Variants in LGSN observed in about 807,000 individuals in gnomAD.
The protein encoded by LGSN is lengsin, lens protein with glutamine synthetase domain.
In LGSN, 21 loss-of-function variants were observed where a neutral mutation model predicts 19.5. The ratio of observed to expected loss-of-function variants is 1.07; its 90% CI spans 0.76 to 1.55. LGSN has a LOEUF of 1.55. Ranked by LOEUF, LGSN falls within the 40% of genes most tolerant of loss-of-function variation. LGSN has a pLI of 0.00. For missense variants in LGSN, 673 were observed against 608.5 expected, an observed-to-expected ratio of 1.11 and a Z score of -1.12; for synonymous variants, 257 against 215.6, an observed-to-expected ratio of 1.19 and a Z score of -1.68.
chr6:63,403,088 A>G, the LGSN span, among the ~76,000 whole-genome samples: 1 of 148,900 alleles, frequency 6.7e-6, no homozygotes, highest in Non-Finnish European at 1.5e-5. Flanking sequence ...GATGATAGAG[A>G]GAGAGAGAGA....
the LGSN span, among the ~76,000 whole-genome samples, chr6:63,547,497 A>G: frequency 1.1e-3 from 90 of 82,292 alleles, no homozygotes; most frequent in South Asian, 1.5e-3. Context: ...GCCAGGGGGG[A>G]ATTTTTTTTT....
chr6:63,423,812 C>T, the LGSN span, among the ~76,000 whole-genome samples: 12 of 152,176 alleles, frequency 7.9e-5, no homozygotes, highest in East Asian at 2.3e-3. Flanking sequence ...CCGAGTCAGG[C>T]AGATCATTTG....
chr6:63,336,702 T>C, the LGSN span, among the ~76,000 whole-genome samples: 1 of 151,570 alleles, frequency 6.6e-6, no homozygotes, highest in African/African-American at 2.4e-5. Context: ...CTCGGCTCAC[T>C]GCAACCTCTG....
chr6:63,288,922 A>G (rs1767658521), intron 2 of LGSN, among the ~76,000 whole-genome samples: 1 of 152,242 alleles, frequency 6.6e-6, no homozygotes, highest in Admixed American at 6.5e-5. Context: ...ACTATCAGGT[A>G]CTGAAGGTTA....
the LGSN span, chr6:63,441,764 A>G: frequency 2.7e-6 from 1 of 375,560 alleles, no homozygotes; most frequent in Non-Finnish European, 5.1e-6. Flanking sequence ...CTGCCCCTGC[A>G]AGCCACTCCC....
chr6:63,546,844 C>G, the LGSN span, among the ~76,000 whole-genome samples: 1 of 151,958 alleles, frequency 6.6e-6, no homozygotes, highest in Admixed American at 6.6e-5. Context: ...TAAATTTTCT[C>G]ATCTCAAAAA....
chr6:63,501,578 T>G, the LGSN span, among the ~76,000 whole-genome samples: 1 of 152,140 alleles, frequency 6.6e-6, no homozygotes, highest in Non-Finnish European at 1.5e-5. Context: ...AACCAGCTGC[T>G]GTCTAATGTG....
the LGSN span, among the ~76,000 whole-genome samples, chr6:63,506,302 C>T: frequency 6.6e-6 from 1 of 151,938 alleles, no homozygotes; most frequent in Non-Finnish European, 1.5e-5. Flanking sequence ...CTCGCACTGT[C>T]ACCCAGGCTG....
the LGSN span, among the ~76,000 whole-genome samples, chr6:63,449,287 C>T: frequency 6.6e-6 from 1 of 152,056 alleles, no homozygotes; most frequent in African/African-American, 2.4e-5. Flanking sequence ...AGGCTGGGCG[C>T]GGTGGCTCCT....
At chr6:63,287,658 A>G (rs1767595403) in intron 2 of LGSN, among the ~76,000 whole-genome samples, 1 of 152,148 alleles carries the variant, frequency 6.6e-6, no homozygotes. Context: ...CAGTGAGCAA[A>G]GATCGCGCCA....
chr6:63,400,706 A>G, the LGSN span, among the ~76,000 whole-genome samples: 1 of 152,216 alleles, frequency 6.6e-6, no homozygotes, highest in Admixed American at 6.5e-5. Flanking sequence ...ATAAAACATA[A>G]ATTTCGGCCG....
At chr6:63,476,935 T>C in the LGSN span, among the ~76,000 whole-genome samples, 1 of 152,248 alleles carries the variant, frequency 6.6e-6, no homozygotes, top group Admixed American at 6.5e-5. Context: ...TATGTTACTC[T>C]TCCCATCTAA....
At chr6:63,419,055 G>C in the LGSN span, among the ~76,000 whole-genome samples, 1 of 152,072 alleles carries the variant, frequency 6.6e-6, no homozygotes, top group African/African-American at 2.4e-5. Flanking sequence ...GGCCACCCTT[G>C]CCATGGTGTC....
the LGSN span, among the ~76,000 whole-genome samples, chr6:63,437,741 C>T: frequency 0.016 from 2,451 of 151,998 alleles, 25 homozygotes; most frequent in Non-Finnish European, 0.025. Context: ...ACCAGCCTAG[C>T]CAACATAGTG....
At chr6:63,306,446 T>C (rs1200722122) in intron 1 of LGSN, among the ~76,000 whole-genome samples, 1 of 152,212 alleles carries the variant, frequency 6.6e-6, no homozygotes, top group Non-Finnish European at 1.5e-5. Context: ...CTCTTTTCTG[T>C]ATAAAAGCAA....
chr6:63,291,512 C>A (rs1767768956), intron 2 of LGSN, among the ~76,000 whole-genome samples: 1 of 152,200 alleles, frequency 6.6e-6, no homozygotes, highest in African/African-American at 2.4e-5. Flanking sequence ...CAGCTGAACT[C>A]CTCCCCACCT....
the LGSN span, among the ~76,000 whole-genome samples, chr6:63,503,495 T>C: frequency 6.6e-6 from 1 of 152,230 alleles, no homozygotes; most frequent in Non-Finnish European, 1.5e-5. Context: ...ATCCTCTCTT[T>C]AATCCTCTAC....
chr6:63,350,279 T>C, the LGSN span, among the ~76,000 whole-genome samples: 1 of 152,238 alleles, frequency 6.6e-6, no homozygotes, highest in Admixed American at 6.5e-5. Flanking sequence ...GGTTATAATA[T>C]GAAAGCAATT....
chr6:63,397,503 G>A, the LGSN span, among the ~76,000 whole-genome samples: 1 of 151,608 alleles, frequency 6.6e-6, no homozygotes, highest in African/African-American at 2.4e-5. Context: ...ATGGTCCAAG[G>A]ACAAAGGATG....
Sources: allele counts gnomAD v4.1 joint callset (sites outside exome capture counted in the v4.1 genomes callset), GRCh38; gene constraint gnomAD v4.1.1; transcripts MANE v1.5; gene names NCBI Gene and HGNC (gene_info 2026-07-23, HGNC 2026-07-21).